SPMIP2: variants seen among roughly 807,000 people sequenced by gnomAD.
SPMIP2 encodes the protein sperm microtubule inner protein 2, also known as protein SPMIP2.
At chr4:159,008,485 C>G in the SPMIP2 span, among the ~76,000 whole-genome samples, 124 of 152,084 alleles carry the variant, frequency 8.2e-4, no homozygotes, top group Non-Finnish European at 1.4e-3. Flanking sequence ...AGGAGAATCA[C>G]TTGAACCCGG....
At chr4:158,974,770 C>T in the SPMIP2 span, among the ~76,000 whole-genome samples, 2 of 152,104 alleles carry the variant, frequency 1.3e-5, no homozygotes, top group Non-Finnish European at 2.9e-5. Flanking sequence ...AAAAAACATA[C>T]GTGTGCATGT....
At chr4:158,893,445 G>A in the SPMIP2 span, 5 of 436,230 alleles carry the variant, frequency 1.1e-5, no homozygotes, top group Non-Finnish European at 2.1e-5. Context: ...GATGTTATAA[G>A]CACTCAGTAA....
chr4:158,943,121 C>A, the SPMIP2 span, among the ~76,000 whole-genome samples: 10 of 152,116 alleles, frequency 6.6e-5, no homozygotes, highest in African/African-American at 2.2e-4. Flanking sequence ...TAATGCTTAC[C>A]GCTGCAGTCT....
At chr4:159,047,520 G>A in the SPMIP2 span, among the ~76,000 whole-genome samples, 1 of 152,020 alleles carries the variant, frequency 6.6e-6, no homozygotes, top group Non-Finnish European at 1.5e-5. Flanking sequence ...ATCTCCTAGT[G>A]CTTATCATAC....
At chr4:159,047,475 C>T in the SPMIP2 span, among the ~76,000 whole-genome samples, 2 of 152,054 alleles carry the variant, frequency 1.3e-5, no homozygotes, top group African/African-American at 4.8e-5. Context: ...CTTCTCATTC[C>T]TGCCTTGTTC....
At chr4:158,936,716 T>G in the SPMIP2 span, among the ~76,000 whole-genome samples, 2 of 152,238 alleles carry the variant, frequency 1.3e-5, no homozygotes, top group African/African-American at 4.8e-5. Flanking sequence ...TTTTTGTGTG[T>G]GATGGTGTAG....
At chr4:159,063,165 A>C in the SPMIP2 span, among the ~76,000 whole-genome samples, 3 of 152,196 alleles carry the variant, frequency 2.0e-5, no homozygotes, top group Non-Finnish European at 2.9e-5. Flanking sequence ...TTTAAAGACC[A>C]ACAAAAGAGA....
At chr4:159,052,309 C>T in the SPMIP2 span, among the ~76,000 whole-genome samples, 2 of 152,166 alleles carry the variant, frequency 1.3e-5, no homozygotes, top group Admixed American at 6.6e-5. Flanking sequence ...ACCTACATTC[C>T]TGCATGGTAA....
At chr4:158,948,745 C>T in the SPMIP2 span, among the ~76,000 whole-genome samples, 1 of 152,104 alleles carries the variant, frequency 6.6e-6, no homozygotes. Flanking sequence ...GCTGGGACTA[C>T]AGTTATGCGC....
At chr4:158,978,887 A>C in the SPMIP2 span, among the ~76,000 whole-genome samples, 1 of 151,312 alleles carries the variant, frequency 6.6e-6, no homozygotes. Flanking sequence ...GCCACTCTGT[A>C]CTGAGTGCTG....
the SPMIP2 span, among the ~76,000 whole-genome samples, chr4:159,057,189 A>G: frequency 6.6e-6 from 1 of 152,238 alleles, no homozygotes; most frequent in Non-Finnish European, 1.5e-5. Flanking sequence ...CATTAAAATG[A>G]TCAGTTTTTA....
At chr4:158,961,695 G>A in the SPMIP2 span, among the ~76,000 whole-genome samples, 30 of 152,138 alleles carry the variant, frequency 2.0e-4, 1 homozygote, top group South Asian at 6.0e-3. Context: ...AATTGGGGAA[G>A]ACCTTTCTCA....
chr4:158,895,847 A>T, the SPMIP2 span: 2 of 1,612,832 alleles, frequency 1.2e-6, no homozygotes, highest in Non-Finnish European at 1.7e-6. Context: ...CATGTGAAAG[A>T]ATTAGGTGTC....
At chr4:158,928,894 C>T in the SPMIP2 span, among the ~76,000 whole-genome samples, 5 of 152,042 alleles carry the variant, frequency 3.3e-5, no homozygotes, top group Non-Finnish European at 4.4e-5. Context: ...AGCTTCACTC[C>T]TGAGCCAGCG....
the SPMIP2 span, among the ~76,000 whole-genome samples, chr4:159,015,154 A>G: frequency 6.6e-6 from 1 of 152,246 alleles, no homozygotes; most frequent in Non-Finnish European, 1.5e-5. Context: ...GGAAACTCCC[A>G]GATTTATTTT....
chr4:159,036,135 G>A, the SPMIP2 span, among the ~76,000 whole-genome samples: 1 of 152,118 alleles, frequency 6.6e-6, no homozygotes, highest in Admixed American at 6.5e-5. Context: ...CAGTAATTTT[G>A]TATTCAACAT....
the SPMIP2 span, among the ~76,000 whole-genome samples, chr4:158,990,159 A>G: frequency 6.6e-6 from 1 of 152,252 alleles, no homozygotes; most frequent in Admixed American, 6.5e-5. Flanking sequence ...GAGAAATGCA[A>G]ATCAAAACCT....
At chr4:158,961,441 C>G in the SPMIP2 span, among the ~76,000 whole-genome samples, 1 of 152,058 alleles carries the variant, frequency 6.6e-6, no homozygotes, top group Non-Finnish European at 1.5e-5. Flanking sequence ...ACAAAATAAA[C>G]AAGGTCACTA....
At chr4:159,001,872 T>C in the SPMIP2 span, among the ~76,000 whole-genome samples, 1 of 152,368 alleles carries the variant, frequency 6.6e-6, no homozygotes, top group African/African-American at 2.4e-5. Flanking sequence ...AGTAATGGGA[T>C]TGCTGCATTA....
Sources: gnomAD v4.1 joint callset for allele counts (sites outside exome capture counted in the v4.1 genomes callset) on GRCh38, gnomAD v4.1.1 for gene constraint, MANE v1.5 for transcripts, NCBI Gene and HGNC (gene_info 2026-07-23, HGNC 2026-07-21) for gene names.